The following TSPAN5 variants were observed in gnomAD, a reference collection of about 807,000 sequenced individuals.
The protein encoded by TSPAN5 is tetraspanin-5.
Under a neutral mutation model 37.1 loss-of-function variants are expected in TSPAN5, and 10 were observed. That is an observed-to-expected ratio of 0.27 (90% CI 0.17 to 0.46). TSPAN5 has a LOEUF of 0.46. Ranked by LOEUF, TSPAN5 falls within the 20% of genes least tolerant of loss-of-function variation. TSPAN5 has a pLI of 1.00. For missense variants in TSPAN5, 195 were observed against 326.6 expected, an observed-to-expected ratio of 0.60 and a Z score of 3.11; for synonymous variants, 110 against 118.9, an observed-to-expected ratio of 0.93 and a Z score of 0.48.
intron 1 of TSPAN5, among the ~76,000 whole-genome samples, chr4:98,612,901 T>G (rs576836953): frequency 6.6e-6 from 1 of 152,334 alleles, no homozygotes; most frequent in South Asian, 2.1e-4. Context: ...TTCCCGCCCA[T>G]CAAAACTACA....
At chr4:98,520,708 T>C (rs1269187517) in intron 1 of TSPAN5, among the ~76,000 whole-genome samples, 1 of 152,148 alleles carries the variant, frequency 6.6e-6, no homozygotes, top group Middle Eastern at 3.2e-3. Flanking sequence ...GGGAAGACAT[T>C]TGGAAAAGAA....
intron 1 of TSPAN5, among the ~76,000 whole-genome samples, chr4:98,607,744 CTT>C (rs1756074334): frequency 6.7e-6 from 1 of 149,874 alleles, no homozygotes; most frequent in African/African-American, 2.5e-5. Flanking sequence ...GAGTCTCACT[CTT>C]GTCACCCAGG....
At chr4:98,585,097 T>C (rs1755455247) in intron 1 of TSPAN5, among the ~76,000 whole-genome samples, 2 of 152,232 alleles carry the variant, frequency 1.3e-5, no homozygotes, top group Admixed American at 1.3e-4. Flanking sequence ...GCACTAGATC[T>C]GCAGTCAAAA....
intron 1 of TSPAN5, among the ~76,000 whole-genome samples, chr4:98,558,672 C>G (rs1754808228): frequency 1.3e-5 from 2 of 152,134 alleles, no homozygotes; most frequent in Non-Finnish European, 2.9e-5. Flanking sequence ...TGCTGATATT[C>G]AGTTTCAGCT....
At chr4:98,513,124 G>A (rs1195862965) in intron 1 of TSPAN5, among the ~76,000 whole-genome samples, 3 of 152,216 alleles carry the variant, frequency 2.0e-5, no homozygotes. Flanking sequence ...TCCCAGTAGA[G>A]AGAGAAGCAT....
chr4:98,646,861 T>C (rs1383425477), intron 1 of TSPAN5, among the ~76,000 whole-genome samples: 4 of 152,154 alleles, frequency 2.6e-5, no homozygotes, highest in African/African-American at 4.8e-5. Context: ...CTAATACCTA[T>C]TGACTATTCC....
chr4:98,566,394 T>C (rs1755005714), intron 1 of TSPAN5, among the ~76,000 whole-genome samples: 1 of 151,996 alleles, frequency 6.6e-6, no homozygotes, highest in South Asian at 2.1e-4. Flanking sequence ...TAAACAAGTC[T>C]CACAGGAAAA....
chr4:98,536,037 G>A lies in TSPAN5; in HGVS notation c.82-28309C>T, dbSNP rs185359600. On this transcript the variant is annotated intron_variant, in intron 1 of 7. Coordinates refer to ENST00000305798, the MANE Select transcript of TSPAN5 (RefSeq NM_005723.4). ...TTCTGAAGCCTACTTCTGTCAATTCGTCAAACTCATTCTCCATCCAGTTTT... is the reference window on the plus strand; with the variant it reads ...TTCTGAAGCCTACTTCTGTCAATTCATCAAACTCATTCTCCATCCAGTTTT... Among the ~76,000 whole-genome samples the A allele has an allele frequency of 9.9e-3, 1,505 of 152,238 alleles. 10 individuals are homozygous for A. The highest frequency in any genetic ancestry group is 0.017 in the Non-Finnish European group (1,154 of 68,008).
chr4:98,472,643 G>A (rs1752615103), intron 7 of TSPAN5, 56 bp from the exon 8 acceptor site: 8 of 1,441,010 alleles, frequency 5.6e-6, no homozygotes, highest in Admixed American at 1.7e-5. Flanking sequence ...TGTTTCCCTG[G>A]CCACTGTGTC....
intron 1 of TSPAN5, among the ~76,000 whole-genome samples, chr4:98,639,793 G>C (rs1756926142): frequency 6.6e-6 from 1 of 152,142 alleles, no homozygotes; most frequent in Admixed American, 6.5e-5. Context: ...GAGAAATCAA[G>C]AAATGAATGA....
intron 1 of TSPAN5, among the ~76,000 whole-genome samples, chr4:98,585,363 GC>G (rs1755465098): frequency 6.6e-6 from 1 of 151,964 alleles, no homozygotes; most frequent in Non-Finnish European, 1.5e-5. Context: ...AGACTGGAGT[GC>G]AGTGGCGCAA....
intron 1 of TSPAN5, among the ~76,000 whole-genome samples, 176 bp downstream of exon 1, chr4:98,657,970 G>C (rs1447202997): frequency 6.6e-6 from 1 of 152,176 alleles, no homozygotes; most frequent in African/African-American, 2.4e-5. Context: ...TCCTCGAAAG[G>C]ATTAAATGTT....
chr4:98,636,701 G>A (rs1049666726), intron 1 of TSPAN5, among the ~76,000 whole-genome samples: 5 of 152,078 alleles, frequency 3.3e-5, no homozygotes, highest in Non-Finnish European at 4.4e-5. Context: ...AAAAAAATGC[G>A]GCTGGCAGCT....
At chr4:98,615,594 G>A (rs1209868446) in intron 1 of TSPAN5, among the ~76,000 whole-genome samples, 2 of 152,230 alleles carry the variant, frequency 1.3e-5, no homozygotes, top group Non-Finnish European at 2.9e-5. Context: ...GCCAAGGCAG[G>A]CAGATCACTT....
At chr4:98,506,525 TG>T (rs1753480971) in intron 2 of TSPAN5, among the ~76,000 whole-genome samples, 1 of 152,216 alleles carries the variant, frequency 6.6e-6, no homozygotes. Flanking sequence ...CTTTGAGTTT[TG>T]TTTTATATGG....
chr4:98,519,684 G>T (rs1753811227), intron 1 of TSPAN5, among the ~76,000 whole-genome samples: 1 of 152,190 alleles, frequency 6.6e-6, no homozygotes, highest in Non-Finnish European at 1.5e-5. Context: ...TATTTGGAGA[G>T]AAATATCAGT....
intron 1 of TSPAN5, among the ~76,000 whole-genome samples, chr4:98,636,580 T>C (rs982070244): frequency 6.6e-6 from 1 of 152,120 alleles, no homozygotes; most frequent in African/African-American, 2.4e-5. Context: ...AAATTACTCA[T>C]AGAGGTATGC....
Position 98,620,754 on chromosome 4 carries a change from C to T in TSPAN5, c.81+37392G>A, listed in dbSNP as rs192994813. On this transcript the variant is annotated intron_variant, in intron 1 of 7. Coordinates refer to ENST00000305798, the MANE Select transcript of TSPAN5 (RefSeq NM_005723.4). ...TGTGGCTGGCACAGAAAAAACAGCA[C>T]AGAGTGAGAGGAGAGTAAAAAGGCT... Among the ~76,000 whole-genome samples, 5 of 152,264 alleles carry T rather than the reference C, an allele frequency of 3.3e-5. No individual in the cohort carries two copies. In the East Asian group the frequency reaches 9.7e-4, roughly 29 times the overall value.
In TSPAN5 at chr4:98,610,520, G is replaced by A. The variant is rs553721930; in HGVS notation, c.81+47626C>T. ...AGGTTCAAAATTATCTACATAAGTA[G>A]GCCCTTCATGATGAGCAGGGCTGGC... is the stretch of plus-strand genomic sequence containing the variant. On this transcript the variant is annotated intron_variant, in intron 1 of 7. Transcript: ENST00000305798. Among the ~76,000 whole-genome samples the A allele has an allele frequency of 7.2e-5, 11 of 152,276 alleles. 1 individual carries two copies. The highest frequency in any genetic ancestry group is 2.6e-4 in the African/African-American group (11 of 41,562).
Sources: allele counts gnomAD v4.1 joint callset (sites outside exome capture counted in the v4.1 genomes callset), GRCh38; gene constraint gnomAD v4.1.1; transcripts MANE v1.5; gene names NCBI Gene and HGNC (gene_info 2026-07-23, HGNC 2026-07-21).